Variants in FRMPD4 observed in about 807,000 individuals in gnomAD.
FRMPD4 encodes the protein FERM and PDZ domain containing 4.
FRMPD4 carries 22 observed loss-of-function variants against 94.1 expected under a neutral mutation model. That is an observed-to-expected ratio of 0.23 (90% CI 0.17 to 0.33). FRMPD4 has a LOEUF of 0.33. Ranked by LOEUF, FRMPD4 falls within the 10% of genes least tolerant of loss-of-function variation. FRMPD4 has a pLI of 1.00. For synonymous variants in FRMPD4, 631 were observed against 548.6 expected (o/e 1.15, Z -2.10); for missense variants, 1,111 against 1,339.9 (o/e 0.83, Z 2.67).
intron 1 of FRMPD4, among the ~76,000 whole-genome samples, chrX:12,220,036 G>A (rs1026996456): frequency 1.8e-5 from 2 of 111,802 alleles, no homozygotes; most frequent in African/African-American, 6.5e-5. Flanking sequence ...AGCTACTCGG[G>A]AGGCTGAGGC....
At chrX:12,226,529 C>T (rs946136921) in intron 1 of FRMPD4, among the ~76,000 whole-genome samples, 2 of 111,212 alleles carry the variant, frequency 1.8e-5, no homozygotes, top group Non-Finnish European at 3.8e-5. Context: ...TTTTTTTTCC[C>T]CTTAACTTGT....
intron 1 of FRMPD4, among the ~76,000 whole-genome samples, chrX:12,403,775 G>C (rs2056636046): frequency 9.0e-6 from 1 of 111,222 alleles, no homozygotes; most frequent in Non-Finnish European, 1.9e-5. Flanking sequence ...TCCCCTGGCT[G>C]TTCTTCTGCC....
intron 2 of FRMPD4, among the ~76,000 whole-genome samples, chrX:12,546,177 C>CTTTTTTTTTTTTTTT (rs11321204): frequency 1.1e-5 from 1 of 91,943 alleles, no homozygotes. Context: ...TGCCAACTGT[C>CTTTTTTTTTTTTTTT]TTTTTTTTTT....
At chrX:12,708,535 G>T (rs2041923742) in intron 13 of FRMPD4, among the ~76,000 whole-genome samples, 1 of 110,565 alleles carries the variant, frequency 9.0e-6, no homozygotes, top group Non-Finnish European at 1.9e-5. Context: ...TCCCAAAAGA[G>T]AATAGGAAAT....
At chrX:12,409,673 A>G (rs2056708634) in intron 1 of FRMPD4, among the ~76,000 whole-genome samples, 1 of 112,668 alleles carries the variant, frequency 8.9e-6, no homozygotes, top group Non-Finnish European at 1.9e-5. Flanking sequence ...ATGCAGAAGA[A>G]TAGTTTAATG....
At chrX:12,100,834 G>A (rs1262824901) in intron 3 of FRMPD4, among the ~76,000 whole-genome samples, 1 of 111,952 alleles carries the variant, frequency 8.9e-6, no homozygotes, top group East Asian at 2.8e-4. Flanking sequence ...GAAACAAGCT[G>A]CACATTCCTG....
At chrX:12,511,155 A>T (rs779066466) in intron 2 of FRMPD4, among the ~76,000 whole-genome samples, 17 of 111,883 alleles carry the variant, frequency 1.5e-4, no homozygotes, top group Non-Finnish European at 2.1e-4. Flanking sequence ...GCACAAAGTC[A>T]GACTATAAAG....
intron 3 of FRMPD4, among the ~76,000 whole-genome samples, chrX:12,044,291 G>A (rs1482989156): frequency 4.5e-5 from 5 of 112,187 alleles, no homozygotes; most frequent in Admixed American, 2.8e-4. Context: ...CAACCAGCTC[G>A]TTCTTAACTC....
At chrX:12,305,394 C>T (rs1376140782) in intron 1 of FRMPD4, among the ~76,000 whole-genome samples, 1 of 111,598 alleles carries the variant, frequency 9.0e-6, no homozygotes, top group East Asian at 2.8e-4. Flanking sequence ...CAAGTGGCTC[C>T]AGAGACATAC....
At chrX:12,377,847 T>C (rs1181595370) in intron 1 of FRMPD4, among the ~76,000 whole-genome samples, 1 of 112,213 alleles carries the variant, frequency 8.9e-6, no homozygotes, top group Non-Finnish European at 1.9e-5. Context: ...CATTAGGCAT[T>C]CTCCTCGTGT....
At chrX:12,328,039 G>T (rs2055315219) in intron 1 of FRMPD4, among the ~76,000 whole-genome samples, 1 of 111,005 alleles carries the variant, frequency 9.0e-6, no homozygotes, top group East Asian at 2.8e-4. Flanking sequence ...GTGATGACAT[G>T]CCTTCTCTGA....
chrX:12,304,575 T>C (rs972381843), intron 1 of FRMPD4, among the ~76,000 whole-genome samples: 2 of 111,171 alleles, frequency 1.8e-5, no homozygotes, highest in African/African-American at 3.3e-5. Context: ...TCCCAAGATA[T>C]TATAAGTAAG....
intron 3 of FRMPD4, among the ~76,000 whole-genome samples, chrX:11,908,709 G>C (rs2053981316): frequency 8.9e-6 from 1 of 111,967 alleles, no homozygotes; most frequent in Non-Finnish European, 1.9e-5. Flanking sequence ...ATTTTACTCA[G>C]AGTTCACTAG....
chrX:11,944,870 C>G (rs1166267905), intron 3 of FRMPD4, among the ~76,000 whole-genome samples: 2 of 112,583 alleles, frequency 1.8e-5, no homozygotes, highest in African/African-American at 6.5e-5. Flanking sequence ...CACAGCCATT[C>G]TCAGTGTGCT....
At chrX:11,836,969 C>G (rs990267458) in intron 1 of FRMPD4, among the ~76,000 whole-genome samples, 3 of 112,133 alleles carry the variant, frequency 2.7e-5, no homozygotes, top group Non-Finnish European at 5.6e-5. Context: ...AAATCTACGT[C>G]CTTTTTCAAC....
chrX:12,173,558 CTCTT>C (rs1294457601), intron 1 of FRMPD4, among the ~76,000 whole-genome samples: 1 of 112,488 alleles, frequency 8.9e-6, no homozygotes, highest in African/African-American at 3.2e-5. Flanking sequence ...ACATTTCTCT[CTCTT>C]ACTAAACCAC....
Position 12,341,271 on chromosome X carries a change from A to G in FRMPD4, c.42-157409A>G, listed in dbSNP as rs1601837435. Among the ~76,000 whole-genome samples the G allele has an allele frequency of 3.6e-5, 4 of 111,743 alleles. No individual in the cohort carries two copies. The East Asian group carries it at 1.1e-3, about 31-fold the overall frequency. The stretch of plus-strand genomic sequence containing the variant: ...AGAATAGTGTCATTTTAGGAAATAT[A>G]TCAAAAAAATTAATCAGAAAGCAAT... On this transcript the variant is annotated intron_variant, in intron 1 of 16. Transcript: ENST00000675598.
intron 1 of FRMPD4, among the ~76,000 whole-genome samples, chrX:11,838,871 T>G (rs893350125): frequency 8.9e-6 from 1 of 111,926 alleles, no homozygotes; most frequent in African/African-American, 3.2e-5. Context: ...ACATTTTGTT[T>G]ATGGAATCAC....
intron 1 of FRMPD4, among the ~76,000 whole-genome samples, chrX:12,458,429 A>G (rs2057357487): frequency 8.9e-6 from 1 of 111,883 alleles, no homozygotes; most frequent in Non-Finnish European, 1.9e-5. Context: ...CTGGGTAACC[A>G]CACTAAAACT....
Sources: gnomAD v4.1 joint callset for allele counts (sites outside exome capture counted in the v4.1 genomes callset) on GRCh38, gnomAD v4.1.1 for gene constraint, MANE v1.5 for transcripts, NCBI Gene and HGNC (gene_info 2026-07-23, HGNC 2026-07-21) for gene names.